ZNF484: variants seen among roughly 807,000 people sequenced by gnomAD.
ZNF484 encodes the protein zinc finger protein 484.
In ZNF484, 11 loss-of-function variants were observed where a neutral mutation model predicts 12.9. The observed-to-expected ratio is 0.85, with a 90% CI of 0.54 to 1.41. ZNF484 has a LOEUF of 1.41. ZNF484 is among the 40% of genes most tolerant of loss of function. The pLI is 0.00. For missense variants in ZNF484, 807 were observed against 1,007.7 expected, an observed-to-expected ratio of 0.80 and a Z score of 2.70; for synonymous variants, 289 against 334.1, an observed-to-expected ratio of 0.86 and a Z score of 1.47.
intron 2 of ZNF484, among the ~76,000 whole-genome samples, chr9:92,874,605 C>A (rs7872893): frequency 6.6e-6 from 1 of 152,088 alleles, no homozygotes; most frequent in Non-Finnish European, 1.5e-5. Context: ...AGCCACCGCG[C>A]CTGGCCTGTT....
chr9:92,844,313 T>C lies in ZNF484; in HGVS notation c.*1915A>G, dbSNP rs1855472266. On this transcript the variant is annotated 3_prime_UTR_variant, in exon 5 of 5. Coordinates refer to ENST00000375495, the MANE Select transcript of ZNF484 (RefSeq NM_031486.4). ...GGCCAACAGAACTGGGTAATAAGGTTATCCCTAAAAGAAACAGAGAAGGAG... is the reference window on the plus strand; with the variant it reads ...GGCCAACAGAACTGGGTAATAAGGTCATCCCTAAAAGAAACAGAGAAGGAG... 6.6e-6 allele frequency among the ~76,000 whole-genome samples: 1 copy of C among 152,164 alleles called. No individual in the cohort carries two copies. The highest frequency in any genetic ancestry group is 2.1e-4 in the South Asian group (1 of 4,826).
chr9:92,877,038 T>TA (rs756140981), intron 1 of ZNF484, among the ~76,000 whole-genome samples: 1 of 152,088 alleles, frequency 6.6e-6, no homozygotes, highest in Non-Finnish European at 1.5e-5. Flanking sequence ...TACAATAAAA[T>TA]AAAAAACAGC....
rs750907980 is a variant in ZNF484 at position 92,846,914 on chromosome 9, C to T, written c.1873G>A (p.Val625Ile). 22 of 1,613,574 alleles carry T rather than the reference C, an allele frequency of 1.4e-5. No homozygotes were observed. Among genetic ancestry groups the T allele is most frequent in the South Asian group, 1.1e-4 (10 of 91,068 alleles). Residue 625 changes from valine to isoleucine, a missense_variant, in exon 5 of 5, where the codon GTA (valine) becomes ATA (isoleucine). Transcript: ENST00000375495. Reference sequence around the variant, plus strand: ...TCTCCTGTGTGAATCTGCTGATGTACGTGGAGCTGTGATTTCTTAGTGAAG... The same window carrying T: ...TCTCCTGTGTGAATCTGCTGATGTATGTGGAGCTGTGATTTCTTAGTGAAG... ...KSFTKKSQLH[V>I]HQQIHTGEKP...
chr9:92,862,594 G>C (rs895107087), intron 2 of ZNF484, among the ~76,000 whole-genome samples: 8 of 149,114 alleles, frequency 5.4e-5, no homozygotes, highest in East Asian at 1.9e-4. Flanking sequence ...AAATTAGTCT[G>C]CATAATGAGA....
At chr9:92,857,231 A>T (rs901022971) in intron 2 of ZNF484, among the ~76,000 whole-genome samples, 7 of 152,168 alleles carry the variant, frequency 4.6e-5, no homozygotes, top group Non-Finnish European at 1.0e-4. Flanking sequence ...AGGGGCTAAG[A>T]CTGGAGAGGA....
Position 92,848,288 on chromosome 9 carries a change from G to A in ZNF484, c.499C>T (p.His167Tyr), listed in dbSNP as rs1452073488. ...DIGEIVHVNT[H>Y]LVSSRKRPHN... ...GGTCTTTTTCTTGAGGAAACCAGGTGTGTGTTTACATGAACTATTTCCCCA... is the reference window on the plus strand; with the variant it reads ...GGTCTTTTTCTTGAGGAAACCAGGTATGTGTTTACATGAACTATTTCCCCA... Residue 167 changes from histidine (H) to tyrosine (Y), a missense_variant, in exon 5 of 5, where the codon CAC (histidine) becomes TAC (tyrosine). His to Tyr is a moderately conservative substitution (Grantham distance 83). Coordinates refer to ENST00000375495, the MANE Select transcript of ZNF484 (RefSeq NM_031486.4). The surrounding 1 kb of genome is among the most constrained non-coding windows in gnomAD (Gnocchi z 4.1). 2 of 1,614,188 alleles carry A rather than the reference G, an allele frequency of 1.2e-6. No individual in the cohort carries two copies. The highest frequency in any genetic ancestry group is 1.1e-5 in the South Asian group (1 of 91,086).
chr9:92,847,374 T>G lies in ZNF484; in HGVS notation c.1413A>C (p.Ser471=). 1.9e-6 allele frequency: 3 copies of G among 1,613,520 alleles called. No homozygotes were observed. Among genetic ancestry groups the G allele is most frequent in the Non-Finnish European group, 2.5e-6 (3 of 1,179,854 alleles). ...IHTGENPFIC[S]ECGKVFTHKT... is the part of the protein sequence containing the mutation. ...TGTGAGTGAAGACCTTCCCACATTC[T>G]GAACATATAAAGGGATTCTCTCCTG... Residue 471 remains serine, a synonymous_variant, in exon 5 of 5, where the codon TCA becomes TCC. Transcript: ENST00000375495.
intron 2 of ZNF484, among the ~76,000 whole-genome samples, chr9:92,874,066 T>C (rs1372697201): frequency 6.6e-6 from 1 of 152,198 alleles, no homozygotes; most frequent in Non-Finnish European, 1.5e-5. Flanking sequence ...TGTCAATTGG[T>C]ACAGAAATAG....
rs1366917391 is a variant in ZNF484, at chr9:92,844,983, T to G, written c.*1245A>C. 6.6e-6 allele frequency: 1 copy of G among 152,136 alleles called. No homozygotes were observed. Among genetic ancestry groups the G allele is most frequent in the African/African-American group, 2.4e-5 (1 of 41,446 alleles). The allele number at this position is 152,136 out of a possible 1,614,324, so 9.4% of individuals were successfully genotyped here. ...TAATACCATATAAGAGACAAATAAA[T>G]GAAATTATAATGTTATAACTTCTCC... On this transcript the variant is annotated 3_prime_UTR_variant, in exon 5 of 5. Coordinates refer to ENST00000375495, the MANE Select transcript of ZNF484 (RefSeq NM_031486.4).
chr9:92,869,692 A>G (rs565087837), intron 2 of ZNF484, among the ~76,000 whole-genome samples: 1 of 152,368 alleles, frequency 6.6e-6, no homozygotes, highest in South Asian at 2.1e-4. Flanking sequence ...TCTGTAGATA[A>G]CTGCTTAAAA....
Position 92,855,819 on chromosome 9 carries a change from C to A in ZNF484, c.227G>T (p.Ser76Ile). The A allele has an allele frequency of 6.2e-7, 1 of 1,614,100 alleles. No homozygotes were observed. The highest frequency in any genetic ancestry group is 2.2e-5 in the East Asian group (1 of 44,878). Reference sequence around the variant, plus strand: ...CTTGGTTCCCTTCTCACCTGGACGGCTCTGACTGGGGATCTCACCATCCAA... The same window carrying A: ...CTTGGTTCCCTTCTCACCTGGACGGATCTGACTGGGGATCTCACCATCCAA... ...CMLDGEIPSQ[S>I]RPDGDIGFGP... Residue 76 changes from serine (S) to isoleucine (I), a missense_variant, in exon 4 of 5, where the codon AGC becomes ATC. Physicochemically the swap from Ser to Ile is moderately radical, Grantham distance 142 (BLOSUM62 -2). Coordinates refer to ENST00000375495, the MANE Select transcript of ZNF484 (RefSeq NM_031486.4).
intron 2 of ZNF484, among the ~76,000 whole-genome samples, chr9:92,861,371 G>C (rs573836301): frequency 6.6e-6 from 1 of 152,310 alleles, no homozygotes; most frequent in South Asian, 2.1e-4. Flanking sequence ...ATTTAAAGTA[G>C]CTAACTAAAA....
intron 2 of ZNF484, among the ~76,000 whole-genome samples, chr9:92,865,480 A>T (rs1192377653): frequency 6.6e-6 from 1 of 152,252 alleles, no homozygotes; most frequent in African/African-American, 2.4e-5. Flanking sequence ...AACTCCCAAG[A>T]TGGCTAAAAT....
At chr9:92,863,745 G>A (rs776396067) in intron 2 of ZNF484, among the ~76,000 whole-genome samples, 5 of 152,214 alleles carry the variant, frequency 3.3e-5, no homozygotes, top group Non-Finnish European at 7.3e-5. Flanking sequence ...AATCACTTAT[G>A]TTTTGCACAT....
At chr9:92,871,642 C>T (rs1338488244) in intron 2 of ZNF484, among the ~76,000 whole-genome samples, 1 of 152,134 alleles carries the variant, frequency 6.6e-6, no homozygotes, top group East Asian at 1.9e-4. Context: ...TATAGTGAAA[C>T]TTGTGAAAAA....
In ZNF484 at chr9:92,844,868, AATG is replaced by A. The variant is rs1855496681; in HGVS notation, c.*1357_*1359del. Among the ~76,000 whole-genome samples, 1 of 152,166 alleles carries A rather than the reference AATG, an allele frequency of 6.6e-6. No individual in the cohort carries two copies. The highest frequency in any genetic ancestry group is 1.5e-5 in the Non-Finnish European group (1 of 68,008). On this transcript the variant is annotated 3_prime_UTR_variant, in exon 5 of 5. Coordinates refer to ENST00000375495, the MANE Select transcript of ZNF484 (RefSeq NM_031486.4). Reference sequence around the variant, plus strand: ...CAGGAAGGAATAAAAAAGTAATTAAAATGATAAATATGTGGGTTAATTTAAATG... The same window carrying A: ...CAGGAAGGAATAAAAAAGTAATTAAAATAAATATGTGGGTTAATTTAAATG...
In ZNF484 at chr9:92,856,336, CA is replaced by C. The variant is rs754321338; in HGVS notation, c.16-19del. The C allele has an allele frequency of 4.9e-6, 7 of 1,428,094 alleles. No individual in the cohort carries two copies. Among genetic ancestry groups the C allele is most frequent in the Middle Eastern group, 4.0e-4 (2 of 4,980 alleles). The allele number at this position is 1,428,094 out of a possible 1,614,324, so 88.5% of individuals were successfully genotyped here. A position where few individuals can be genotyped will look rare whatever the true frequency, so the allele number is the denominator to read the frequency against. Reference sequence around the variant, plus strand: ...ACTGATTCCTGTTAAAAAAAAAAAACAAACTTTAAAATAATTTTTTAAAGAA... The same window carrying C: ...ACTGATTCCTGTTAAAAAAAAAAAACAACTTTAAAATAATTTTTTAAAGAA... On this transcript the variant is annotated intron_variant, in intron 2 of 4. Coordinates refer to ENST00000375495, the MANE Select transcript of ZNF484 (RefSeq NM_031486.4).
In ZNF484 at chr9:92,863,274, TG is replaced by T. The variant is rs1480220530; in HGVS notation, c.16-6957del. Among the ~76,000 whole-genome samples, 5 of 87,890 alleles carry T rather than the reference TG, an allele frequency of 5.7e-5. No homozygotes were observed. In the East Asian group the frequency reaches 2.1e-3, roughly 38 times the overall value. 57.7% of individuals were successfully genotyped at this position (87,890 alleles called of 152,430 possible). ...CTCACTGGGGCCTGTTGGGGAAGGGTGGGGGGTGGGAGAGCATTAGGGAAAA... is the reference window on the plus strand; with the variant it reads ...CTCACTGGGGCCTGTTGGGGAAGGGTGGGGGTGGGAGAGCATTAGGGAAAA... On this transcript the variant is annotated intron_variant, in intron 2 of 4. Transcript: ENST00000375495.
intron 2 of ZNF484, among the ~76,000 whole-genome samples, chr9:92,873,796 G>C (rs1250548443): frequency 2.6e-5 from 4 of 151,876 alleles, no homozygotes; most frequent in African/African-American, 9.7e-5. Context: ...TATGAGGTCA[G>C]GGTTATCGTG....
Sources: gnomAD v4.1 joint callset for allele counts (sites outside exome capture counted in the v4.1 genomes callset) on GRCh38, gnomAD v4.1.1 for gene constraint, Gnocchi (gnomAD v3.1) non-coding constraint, MANE v1.5 for transcripts, NCBI Gene and HGNC (gene_info 2026-07-23, HGNC 2026-07-21) for gene names.